ADK: variants seen among roughly 807,000 people sequenced by gnomAD.
ADK encodes adenosine kinase, also known as N6,N6-dimethyladenosine kinase.
A neutral mutation model predicts 44.7 loss-of-function variants in ADK; 24 were observed. The observed-to-expected ratio is 0.54, with a 90% confidence interval of 0.39 to 0.76. The LOEUF (loss-of-function observed/expected upper bound fraction) is 0.76. ADK is among the 30% of genes least tolerant of loss of function. The pLI is 0.00. For missense variants in ADK, 321 were observed against 425.1 expected (o/e 0.76, Z 2.15); for synonymous variants, 128 against 142.6 (o/e 0.90, Z 0.73).
At position 74,377,362 on chromosome 10, in the gene ADK, G is replaced by A. The variant is rs140659894; in HGVS notation, c.274-16779G>A. On this transcript the variant is annotated intron_variant, in intron 4 of 10. Coordinates refer to ENST00000539909, the MANE Select transcript of ADK (RefSeq NM_006721.4). ...GTGAGAGAGGAGTTTTACACTAAAT[G>A]GGTTAGCTGAACATACATATTTAAC... is the stretch of plus-strand genomic sequence containing the variant. 3.5e-3 allele frequency among the ~76,000 whole-genome samples: 528 copies of A among 152,208 alleles called. 3 individuals are homozygous for A. The highest frequency in any genetic ancestry group is 0.011 in the African/African-American group (472 of 41,524).
intron 9 of ADK, among the ~76,000 whole-genome samples, chr10:74,605,594 C>T (rs1051071337): frequency 9.2e-5 from 14 of 152,150 alleles, no homozygotes; most frequent in Middle Eastern, 3.4e-3. Context: ...GGGATGAAGC[C>T]GACTTGATCA....
At chr10:74,209,441 C>T (rs773500830) in intron 2 of ADK, among the ~76,000 whole-genome samples, 2 of 152,100 alleles carry the variant, frequency 1.3e-5, no homozygotes, top group Non-Finnish European at 2.9e-5. Context: ...AAAACAACAA[C>T]AAAACATAAG....
intron 4 of ADK, among the ~76,000 whole-genome samples, chr10:74,325,041 G>T (rs771556958): frequency 2.0e-4 from 30 of 152,110 alleles, no homozygotes; most frequent in Admixed American, 8.5e-4. Context: ...GATTATCATT[G>T]TCATTTGAGA....
At chr10:74,281,743 T>G (rs1262894952) in intron 3 of ADK, among the ~76,000 whole-genome samples, 1 of 152,234 alleles carries the variant, frequency 6.6e-6, no homozygotes, top group Non-Finnish European at 1.5e-5. Flanking sequence ...AATATGAAGA[T>G]CAAAACTGCA....
chr10:74,629,408 G>C (rs1039214301), intron 9 of ADK, among the ~76,000 whole-genome samples: 1 of 152,146 alleles, frequency 6.6e-6, no homozygotes, highest in Non-Finnish European at 1.5e-5. Context: ...CAAGACCCAA[G>C]AAAGATATGA....
At chr10:74,339,972 G>A (rs1054378520) in intron 4 of ADK, among the ~76,000 whole-genome samples, 1 of 152,040 alleles carries the variant, frequency 6.6e-6, no homozygotes, top group African/African-American at 2.4e-5. Flanking sequence ...CTTCTATACT[G>A]AAAGAAGCCA....
At chr10:74,218,390 T>G (rs1384270518) in intron 2 of ADK, among the ~76,000 whole-genome samples, 2 of 152,150 alleles carry the variant, frequency 1.3e-5, no homozygotes, top group African/African-American at 4.8e-5. Context: ...AATCTACGTC[T>G]GATTGGTGTA....
At chr10:74,457,048 T>G (rs1845975337) in intron 6 of ADK, among the ~76,000 whole-genome samples, 2 of 152,162 alleles carry the variant, frequency 1.3e-5, no homozygotes, top group Non-Finnish European at 2.9e-5. Flanking sequence ...AGGAGCTGGT[T>G]TTTTGAAAAG....
At chr10:74,278,963 C>T (rs1846809181) in intron 3 of ADK, among the ~76,000 whole-genome samples, 1 of 151,744 alleles carries the variant, frequency 6.6e-6, no homozygotes, top group Non-Finnish European at 1.5e-5. Context: ...TTTGTTCATC[C>T]CTCTTGTTCT....
At chr10:74,699,546 G>A (rs1365684814) in intron 10 of ADK, among the ~76,000 whole-genome samples, 2 of 152,222 alleles carry the variant, frequency 1.3e-5, no homozygotes, top group Middle Eastern at 3.4e-3. Context: ...GTATAGTGGT[G>A]CATACCTGTA....
At chr10:74,555,409 A>G (rs1272887983) in intron 7 of ADK, among the ~76,000 whole-genome samples, 1 of 152,114 alleles carries the variant, frequency 6.6e-6, no homozygotes, top group Non-Finnish European at 1.5e-5. Context: ...AGAATTATAG[A>G]TGGAAGTGGG....
chr10:74,245,234 A>T (rs1373451390), intron 3 of ADK, among the ~76,000 whole-genome samples: 2 of 152,140 alleles, frequency 1.3e-5, no homozygotes, highest in Non-Finnish European at 2.9e-5. Context: ...TAGGCCAGTA[A>T]ATATATATAG....
intron 1 of ADK, among the ~76,000 whole-genome samples, chr10:74,155,039 T>G (rs979476400): frequency 1.3e-5 from 2 of 152,236 alleles, no homozygotes; most frequent in Admixed American, 1.3e-4. Flanking sequence ...ATCATGACTT[T>G]TAATAGTACT....
intron 6 of ADK, among the ~76,000 whole-genome samples, chr10:74,449,026 A>G (rs1845682035): frequency 6.6e-6 from 1 of 152,198 alleles, no homozygotes; most frequent in South Asian, 2.1e-4. Flanking sequence ...GAGTGAGAAT[A>G]AGATTTATTT....
chr10:74,685,932 T>C (rs565057126), intron 10 of ADK, among the ~76,000 whole-genome samples: 13 of 152,054 alleles, frequency 8.5e-5, no homozygotes, highest in Non-Finnish European at 1.8e-4. Flanking sequence ...GTTAAGACAC[T>C]GGGTCAAAAT....
chr10:74,568,109 T>A (rs1850758335), intron 7 of ADK, among the ~76,000 whole-genome samples: 1 of 152,098 alleles, frequency 6.6e-6, no homozygotes, highest in South Asian at 2.1e-4. Context: ...TAACACAAAT[T>A]CATAAACTTT....
chr10:74,374,649 T>C (rs1842764996), intron 4 of ADK, among the ~76,000 whole-genome samples: 1 of 152,166 alleles, frequency 6.6e-6, no homozygotes, highest in South Asian at 2.1e-4. Flanking sequence ...CCCAGCCTGC[T>C]TGTCATTGTC....
chr10:74,294,947 C>T (rs2132493360), intron 3 of ADK, among the ~76,000 whole-genome samples: 1 of 152,182 alleles, frequency 6.6e-6, no homozygotes, highest in Admixed American at 6.5e-5. Flanking sequence ...CCTCCGCCTC[C>T]TGGGTTCAAG....
At chr10:74,327,205 G>A (rs1841052281) in intron 4 of ADK, among the ~76,000 whole-genome samples, 2 of 151,920 alleles carry the variant, frequency 1.3e-5, no homozygotes, top group South Asian at 4.1e-4. Context: ...TATCTGATAG[G>A]TTATGCTTTT....
Sources: gnomAD v4.1 joint callset for allele counts (sites outside exome capture counted in the v4.1 genomes callset) on GRCh38, gnomAD v4.1.1 for gene constraint, MANE v1.5 for transcripts, NCBI Gene and HGNC (gene_info 2026-07-23, HGNC 2026-07-21) for gene names.